TIAM1: variants seen among roughly 807,000 people sequenced by gnomAD.
TIAM1 encodes the protein rho guanine nucleotide exchange factor TIAM1.
TIAM1 carries 65 observed loss-of-function variants against 163.5 expected under a neutral mutation model. That is an observed-to-expected ratio of 0.40 (90% confidence interval 0.33 to 0.49). The LOEUF (loss-of-function observed/expected upper bound fraction) is 0.49. Among genes scored for constraint, TIAM1 ranks in the 20% least tolerant of loss-of-function variants. TIAM1 has a pLI of 0.77. For synonymous variants in TIAM1, 833 were observed against 810.1 expected (o/e 1.03, Z -0.48); for missense variants, 1,789 against 2,044.7 (o/e 0.87, Z 2.41).
chr21:31,285,854 C>T (rs549491683), intron 2 of TIAM1, among the ~76,000 whole-genome samples: 5 of 151,834 alleles, frequency 3.3e-5, no homozygotes, highest in African/African-American at 1.2e-4. Flanking sequence ...AGTGAGATTC[C>T]GTCTCAACAA....
chr21:31,282,378 G>C (rs1487468389), intron 2 of TIAM1, among the ~76,000 whole-genome samples: 2 of 152,226 alleles, frequency 1.3e-5, no homozygotes, highest in Non-Finnish European at 2.9e-5. Context: ...CCGTCTTGAA[G>C]ACGCAGGATA....
intron 27 of TIAM1, chr21:31,123,864 C>T (rs186466193): frequency 1.3e-5 from 2 of 152,310 alleles, no homozygotes; most frequent in Admixed American, 1.3e-4. Context: ...TTCTCTATTG[C>T]TCCACTGTAA....
At chr21:31,137,546 CCTGGGAGTACGT>C (rs1190578655) in intron 22 of TIAM1, among the ~76,000 whole-genome samples, 1 of 151,606 alleles carries the variant, frequency 6.6e-6, no homozygotes, top group East Asian at 1.9e-4. Flanking sequence ...GGCCACAGCC[CCTGGGAGTACGT>C]CTTTAAAAGT....
intron 2 of TIAM1, among the ~76,000 whole-genome samples, chr21:31,298,155 T>G (rs1446581926): frequency 6.6e-6 from 1 of 152,086 alleles, no homozygotes; most frequent in Non-Finnish European, 1.5e-5. Context: ...CCAGGTGGGC[T>G]TCCTTCCAAA....
intron 2 of TIAM1, among the ~76,000 whole-genome samples, chr21:31,351,357 C>A (rs940213172): frequency 2.0e-5 from 3 of 152,166 alleles, no homozygotes; most frequent in African/African-American, 7.2e-5. Flanking sequence ...TCAATTATTA[C>A]CTCCTTTAAA....
At chr21:31,440,780 C>T (rs2044390812) in intron 2 of TIAM1, among the ~76,000 whole-genome samples, 1 of 152,014 alleles carries the variant, frequency 6.6e-6, no homozygotes, top group Non-Finnish European at 1.5e-5. Flanking sequence ...ACTGGGGAGG[C>T]TGAGGTGGGA....
intron 2 of TIAM1, among the ~76,000 whole-genome samples, chr21:31,428,864 C>G (rs1296933139): frequency 6.7e-6 from 1 of 148,920 alleles, no homozygotes; most frequent in Non-Finnish European, 1.5e-5. Context: ...GCCTGGGTGA[C>G]AGAGCCAGAC....
intron 2 of TIAM1, among the ~76,000 whole-genome samples, chr21:31,442,302 G>C (rs1458101805): frequency 7.2e-6 from 1 of 138,280 alleles, no homozygotes; most frequent in Non-Finnish European, 1.5e-5. Context: ...GCACGATCTT[G>C]GCTCGCTGCA....
chr21:31,520,255 TGGGA>T (rs2047535618), intron 1 of TIAM1, among the ~76,000 whole-genome samples: 1 of 150,446 alleles, frequency 6.6e-6, no homozygotes, highest in Non-Finnish European at 1.5e-5. Flanking sequence ...CGCTTGAACC[TGGGA>T]GGCGGAGGTT....
Position 31,208,852 on chromosome 21 carries a change from AT to A in TIAM1, c.2388+1192del, listed in dbSNP as rs371886637. Among the ~76,000 whole-genome samples the A allele has an allele frequency of 9.0e-3, 1,378 of 152,344 alleles. 12 individuals are homozygous for A. Among genetic ancestry groups the A allele is most frequent in the Middle Eastern group, 0.027 (8 of 294 alleles). ...GGTACTTGCGGAGGTAGTGAAAGTC[AT>A]TCAGTATTTACAAACATTGTGTTGA... On this transcript the variant is annotated intron_variant, in intron 11 of 27. Coordinates refer to ENST00000541036, the MANE Select transcript of TIAM1 (RefSeq NM_001353694.2).
At chr21:31,454,693 A>T (rs1274378025) in intron 2 of TIAM1, among the ~76,000 whole-genome samples, 1 of 152,226 alleles carries the variant, frequency 6.6e-6, no homozygotes, top group African/African-American at 2.4e-5. Flanking sequence ...ATAAGTAAAG[A>T]TATGAAGGAT....
At chr21:31,548,765 A>G (rs1186908705) in intron 1 of TIAM1, among the ~76,000 whole-genome samples, 3 of 152,068 alleles carry the variant, frequency 2.0e-5, no homozygotes, top group Admixed American at 1.3e-4. Context: ...CCAGCATTGC[A>G]GGCATGAGCC....
Position 31,210,607 on chromosome 21 carries a change from AAGGAAGG to A in TIAM1, c.2218-399_2218-393del, listed in dbSNP as rs1569031572. ...GAAAGAAAGAAAGAGAGAAAGAAGG[AAGGAAGG>A]GAGAAAGAAAGAAAGAAAGAAAGAA... On this transcript the variant is annotated intron_variant, in intron 10 of 27. Transcript: ENST00000541036. Among the ~76,000 whole-genome samples the A allele has an allele frequency of 3.3e-3, 294 of 87,838 alleles. 14 individuals are homozygous for A. The highest frequency in any genetic ancestry group is 0.012 in the Admixed American group (94 of 7,874). 57.6% of individuals were successfully genotyped at this position (87,838 alleles called of 152,430 possible). A position where few individuals can be genotyped will look rare whatever the true frequency, so the allele number is the denominator to read the frequency against.
chr21:31,545,931 G>A (rs2048470928), intron 1 of TIAM1, among the ~76,000 whole-genome samples: 1 of 152,008 alleles, frequency 6.6e-6, no homozygotes, highest in African/African-American at 2.4e-5. Flanking sequence ...CAAAGATGAA[G>A]GTGTATATTC....
In TIAM1 at chr21:31,134,760, C is replaced by T. The variant is rs148734387; in HGVS notation, c.3883+1173G>A. On this transcript the variant is annotated intron_variant, in intron 23 of 27. Coordinates refer to ENST00000541036, the MANE Select transcript of TIAM1 (RefSeq NM_001353694.2). ...TCCTGACCTCAAGTGATCCGTCCAC[C>T]TTGGCCTCCCAAAGTGCTGGGATTA... Among the ~76,000 whole-genome samples, 3 of 152,328 alleles carry T rather than the reference C, an allele frequency of 2.0e-5. No homozygotes were observed. The South Asian group carries it at 6.2e-4, about 32-fold the overall frequency.
intron 1 of TIAM1, among the ~76,000 whole-genome samples, chr21:31,543,710 G>A (rs148124164): frequency 6.9e-4 from 105 of 152,316 alleles, no homozygotes; most frequent in Admixed American, 1.4e-3. Flanking sequence ...TATCCCCGAG[G>A]AGAAGTAACT....
intron 1 of TIAM1, among the ~76,000 whole-genome samples, chr21:31,512,587 A>G (rs1242787605): frequency 6.6e-6 from 1 of 150,934 alleles, no homozygotes; most frequent in African/African-American, 2.4e-5. Flanking sequence ...CCAGAGTCAA[A>G]GACAGTCCTG....
intron 19 of TIAM1, 129 bp from the exon 20 acceptor site, chr21:31,147,132 C>T (rs2083157821): frequency 4.2e-6 from 3 of 710,054 alleles, no homozygotes; most frequent in East Asian, 5.5e-5. Flanking sequence ...CCTGTCAGAG[C>T]CTTTCTTTGC....
chr21:31,541,453 TCTCAAAAAG>T (rs2048321713), intron 1 of TIAM1, among the ~76,000 whole-genome samples: 1 of 151,630 alleles, frequency 6.6e-6, no homozygotes, highest in Non-Finnish European at 1.5e-5. Flanking sequence ...TGAGACCCTG[TCTCAAAAAG>T]AAGGAAAAAG....
Sources: gnomAD v4.1 joint callset for allele counts (sites outside exome capture counted in the v4.1 genomes callset) on GRCh38, gnomAD v4.1.1 for gene constraint, MANE v1.5 for transcripts, NCBI Gene and HGNC (gene_info 2026-07-23, HGNC 2026-07-21) for gene names.